Variants in ITPR1 observed in about 807,000 individuals in gnomAD.
The protein encoded by ITPR1 is inositol 1,4,5-trisphosphate receptor type 1.
ITPR1 carries 96 observed loss-of-function variants against 318.4 expected under a neutral mutation model. The ratio of observed to expected loss-of-function variants is 0.30; its 90% CI spans 0.26 to 0.36. ITPR1 has a LOEUF of 0.36. ITPR1 is among the 10% of genes least tolerant of loss of function. ITPR1 has a pLI of 1.00. For synonymous variants in ITPR1, 1,312 were observed against 1,289.9 expected, an observed-to-expected ratio of 1.02 and a Z score of -0.37; for missense variants, 2,440 against 3,460.2, an observed-to-expected ratio of 0.71 and a Z score of 7.40.
At chr3:4,643,528 C>G (rs1240778402) in intron 7 of ITPR1, among the ~76,000 whole-genome samples, 1 of 151,672 alleles carries the variant, frequency 6.6e-6, no homozygotes, top group African/African-American at 2.4e-5. Flanking sequence ...TGTGACTATC[C>G]TTTTTGAAAG....
At chr3:4,614,230 T>C (rs2092291569) in intron 4 of ITPR1, among the ~76,000 whole-genome samples, 1 of 152,178 alleles carries the variant, frequency 6.6e-6, no homozygotes, top group African/African-American at 2.4e-5. Flanking sequence ...CACGCCACTG[T>C]GCTCCAGCCT....
At chr3:4,538,990 T>C (rs1424556539) in intron 4 of ITPR1, among the ~76,000 whole-genome samples, 1 of 152,178 alleles carries the variant, frequency 6.6e-6, no homozygotes, top group African/African-American at 2.4e-5. Flanking sequence ...TATTTACCTA[T>C]GTAACAAACA....
At position 4,563,905 on chromosome 3, in the gene ITPR1, C is replaced by T. The variant is rs546832817; in HGVS notation, c.163+42811C>T. 7.2e-5 allele frequency among the ~76,000 whole-genome samples: 11 copies of T among 152,104 alleles called. No homozygotes were observed. In the South Asian group the frequency reaches 2.3e-3, roughly 32 times the overall value. On this transcript the variant is annotated intron_variant, in intron 4 of 61. Coordinates refer to ENST00000649015, the MANE Select transcript of ITPR1 (RefSeq NM_001378452.1). ...CTTGAACGACAGAAATTTATTGTCTCACCTAAATCAAAGTGTCAGCTGAGT... is the reference window on the plus strand; with the variant it reads ...CTTGAACGACAGAAATTTATTGTCTTACCTAAATCAAAGTGTCAGCTGAGT...
intron 45 of ITPR1, among the ~76,000 whole-genome samples, chr3:4,767,348 C>T (rs1372907517): frequency 6.6e-6 from 1 of 152,230 alleles, no homozygotes; most frequent in Non-Finnish European, 1.5e-5. Flanking sequence ...GCAGCATACC[C>T]CTACTCCCAG....
intron 34 of ITPR1, 114 bp from the exon 35 acceptor site, chr3:4,699,699 C>T (rs1375531568): frequency 3.3e-6 from 3 of 916,304 alleles, no homozygotes; most frequent in Non-Finnish European, 5.0e-6. Context: ...AAATATTGGC[C>T]AGCAGGCCTT....
intron 34 of ITPR1, 66 bp downstream of exon 34, chr3:4,697,338 G>GTGTGTGTA: frequency 7.1e-7 from 1 of 1,412,722 alleles, no homozygotes. Context: ...GTGTGTGTGT[G>GTGTGTGTA]TGTGTGTGTG....
intron 12 of ITPR1, among the ~76,000 whole-genome samples, chr3:4,657,386 G>GT (rs112693174): frequency 0.02 from 2,673 of 133,138 alleles, 23 homozygotes; most frequent in Middle Eastern, 0.04. Flanking sequence ...TGTACCTAGA[G>GT]TTTTTTTTTT....
At chr3:4,684,047 C>A (rs2094347395) in intron 28 of ITPR1, among the ~76,000 whole-genome samples, 1 of 152,206 alleles carries the variant, frequency 6.6e-6, no homozygotes, top group African/African-American at 2.4e-5. Flanking sequence ...ACCAGGTTTC[C>A]CTTACAGACC....
At chr3:4,782,357 A>G in intron 49 of ITPR1, 1 of 302,270 alleles carries the variant, frequency 3.3e-6, no homozygotes, top group Non-Finnish European at 6.1e-6. Flanking sequence ...CCTTCTAAAG[A>G]AGGACATTAA....
In ITPR1 at chr3:4,575,984, C is replaced by T. The variant is rs181118734; in HGVS notation, c.164-51779C>T. On this transcript the variant is annotated intron_variant, in intron 4 of 61. Coordinates refer to ENST00000649015, the MANE Select transcript of ITPR1 (RefSeq NM_001378452.1). ...GCAGTGAGCCATGGTCATGCCACCA[C>T]ACTCCAGCCTGGGTGGCAGACTGAG... Among the ~76,000 whole-genome samples the T allele has an allele frequency of 4.4e-4, 66 of 150,162 alleles. No homozygotes were observed. In the East Asian group the frequency reaches 5.3e-3, roughly 12 times the overall value.
At chr3:4,626,893 A>C (rs1256122864) in intron 4 of ITPR1, among the ~76,000 whole-genome samples, 2 of 152,168 alleles carry the variant, frequency 1.3e-5, no homozygotes, top group Admixed American at 1.3e-4. Flanking sequence ...ATCTTGGCTC[A>C]CTGCAACCTC....
At position 4,783,899 on chromosome 3, in the gene ITPR1, C is replaced by T. The variant is rs777281395; in HGVS notation, c.6594C>T (p.Ala2198=). The stretch of plus-strand genomic sequence containing the variant: ...GAGATGAAGCCCTGGAGTTTTATGC[C>T]AAGCACACGGCGCAGATAGAGGTAA... ...VDGDEALEFY[A]KHTAQIEIVR... is the part of the protein sequence containing the mutation. The change falls in exon 51 of 62, where the codon GCC becomes GCT. Residue 2198 remains alanine (A), a synonymous_variant. Coordinates refer to ENST00000649015, the MANE Select transcript of ITPR1 (RefSeq NM_001378452.1). 13 of 1,607,696 alleles carry T rather than the reference C, an allele frequency of 8.1e-6. No homozygotes were observed. In the South Asian group the frequency reaches 1.5e-4, roughly 18 times the overall value.
chr3:4,776,394 A>G (rs932245022), intron 47 of ITPR1, among the ~76,000 whole-genome samples: 7 of 152,168 alleles, frequency 4.6e-5, no homozygotes, highest in African/African-American at 1.7e-4. Context: ...ATACCAAATT[A>G]TAGCTTCATC....
chr3:4,722,473 A>C (rs2042231424), intron 40 of ITPR1, among the ~76,000 whole-genome samples: 1 of 152,020 alleles, frequency 6.6e-6, no homozygotes, highest in East Asian at 1.9e-4. Flanking sequence ...CTTTCATGTA[A>C]AAAACGTGAC....
intron 4 of ITPR1, among the ~76,000 whole-genome samples, chr3:4,546,193 T>C (rs546590618): frequency 2.6e-4 from 39 of 152,214 alleles, no homozygotes; most frequent in African/African-American, 8.7e-4. Context: ...GAGTTCTTCT[T>C]GAGTTGGAAG....
At chr3:4,579,443 T>C (rs2089058518) in intron 4 of ITPR1, among the ~76,000 whole-genome samples, 1 of 152,160 alleles carries the variant, frequency 6.6e-6, no homozygotes, top group Non-Finnish European at 1.5e-5. Flanking sequence ...AAATAATAGA[T>C]TAGAGGAAGT....
At chr3:4,501,012 C>A (rs1374135164) in intron 2 of ITPR1, among the ~76,000 whole-genome samples, 1 of 135,970 alleles carries the variant, frequency 7.4e-6, no homozygotes, top group East Asian at 2.3e-4. Flanking sequence ...CCCCACCACT[C>A]CTGGCTAATT....
chr3:4,635,136 G>C (rs1040008574), intron 5 of ITPR1, among the ~76,000 whole-genome samples: 2 of 152,176 alleles, frequency 1.3e-5, no homozygotes, highest in African/African-American at 4.8e-5. Context: ...CGTTAGGTAG[G>C]GAGTGATATT....
Position 4,697,565 on chromosome 3 carries a change from C to G in ITPR1, c.4407+293C>G, listed in dbSNP as rs1023533673. Among the ~76,000 whole-genome samples, 4 of 149,174 alleles carry G rather than the reference C, an allele frequency of 2.7e-5. No individual in the cohort carries two copies. In the Admixed American group the frequency reaches 2.7e-4, roughly 10 times the overall value. The stretch of plus-strand genomic sequence containing the variant: ...CTCCTGGGCTCAAGCAATTATCCTG[C>G]CTCAGCCTCCTGAGTAGCTGGGATT... On this transcript the variant is annotated intron_variant, in intron 34 of 61. Transcript: ENST00000649015.
Sources: gnomAD v4.1 joint callset for allele counts (sites outside exome capture counted in the v4.1 genomes callset) on GRCh38, gnomAD v4.1.1 for gene constraint, MANE v1.5 for transcripts, NCBI Gene and HGNC (gene_info 2026-07-23, HGNC 2026-07-21) for gene names.